The following PCDHGB1 variants were observed in gnomAD, a reference collection of about 807,000 sequenced individuals.
The protein encoded by PCDHGB1 is protocadherin gamma-B1.
A neutral mutation model predicts 56.6 loss-of-function variants in PCDHGB1; 34 were observed. The observed-to-expected ratio is 0.60, with a 90% CI of 0.46 to 0.80. PCDHGB1 has a LOEUF of 0.80. Ranked by LOEUF, PCDHGB1 falls within the 30% of genes least tolerant of loss-of-function variation. The pLI is 0.00. For synonymous variants in PCDHGB1, 561 were observed against 505.9 expected, an observed-to-expected ratio of 1.11 and a Z score of -1.46; for missense variants, 1,278 against 1,204.6, an observed-to-expected ratio of 1.06 and a Z score of -0.90.
chr5:141,494,820 AC>A lies in PCDHGB1; in HGVS notation c.2424del (p.Asn808LysfsTer39). 6.2e-7 allele frequency: 1 copy of A among 1,613,988 alleles called. No homozygotes were observed. The highest frequency in any genetic ancestry group is 2.2e-5 in the East Asian group (1 of 44,874). On this transcript the variant is annotated frameshift_variant, in exon 2 of 4. Coordinates refer to ENST00000523390, the MANE Select transcript of PCDHGB1 (RefSeq NM_018922.3). LOFTEE classifies it high-confidence loss of function. ...TTTTCTCCACAGCAAGCCCCGCCCA[AC>A]ACGGACTGGCGTTTCTCTCAGGCCC... ...PSLSSHQAPP[N>X]TDWRFSQAQR...
chr5:141,418,714 T>C, intron 1 of PCDHGB1: 4 of 1,614,000 alleles, frequency 2.5e-6, no homozygotes, highest in Non-Finnish European at 3.4e-6. Flanking sequence ...TTGGTGTGGC[T>C]GACAAAGCTC....
chr5:141,379,766 C>G (rs1325223169), intron 1 of PCDHGB1: 1 of 151,638 alleles, frequency 6.6e-6, no homozygotes, highest in Admixed American at 6.6e-5. Context: ...ACCTGCAATA[C>G]AGATCATTAA....
chr5:141,417,923 C>T, intron 1 of PCDHGB1: 1 of 1,608,652 alleles, frequency 6.2e-7, no homozygotes, highest in Non-Finnish European at 8.5e-7. Context: ...TCCTTTGCTG[C>T]TGCCTTTGTT....
intron 1 of PCDHGB1, chr5:141,426,732 C>T (rs576525011): frequency 2.7e-4 from 123 of 448,642 alleles, no homozygotes; most frequent in African/African-American, 2.2e-3. Context: ...TCCAGGCATT[C>T]GGTTTGGCCT....
intron 1 of PCDHGB1, chr5:141,357,093 C>T: frequency 1.2e-6 from 2 of 1,613,876 alleles, no homozygotes; most frequent in Non-Finnish European, 8.5e-7. Flanking sequence ...CCGCACGGGC[C>T]CTGCTGGACA....
At chr5:141,470,242 T>C (rs1301513342) in intron 1 of PCDHGB1, among the ~76,000 whole-genome samples, 1 of 152,344 alleles carries the variant, frequency 6.6e-6, no homozygotes, top group South Asian at 2.1e-4. Flanking sequence ...CCCTTGAATG[T>C]CCCACCTGTC....
intron 1 of PCDHGB1, among the ~76,000 whole-genome samples, chr5:141,467,017 C>T (rs1036255706): frequency 4.0e-5 from 6 of 151,156 alleles, no homozygotes; most frequent in African/African-American, 1.5e-4. Context: ...AATTTTTTTC[C>T]CTTTGTTTTT....
intron 1 of PCDHGB1, chr5:141,364,749 T>G: frequency 6.2e-7 from 1 of 1,613,916 alleles, no homozygotes; most frequent in Non-Finnish European, 8.5e-7. Flanking sequence ...GAGTTAAAAG[T>G]AAAAGTTAAT....
rs371964437 is a variant in PCDHGB1, at chr5:141,511,404, C to T, written c.*231C>T. On this transcript the variant is annotated 3_prime_UTR_variant, in exon 4 of 4. Coordinates refer to ENST00000523390, the MANE Select transcript of PCDHGB1 (RefSeq NM_018922.3). ...CCGCTGGGAACCCCCATCCAATCAA[C>T]TGCTGTACCCATGGGGGTAGTGGGG... The T allele has an allele frequency of 7.7e-5, 73 of 947,014 alleles. No individual in the cohort carries two copies. In the East Asian group the frequency reaches 1.8e-3, roughly 23 times the overall value. The allele number at this position is 947,014 out of a possible 1,614,324, so 58.7% of individuals were successfully genotyped here.
intron 1 of PCDHGB1, among the ~76,000 whole-genome samples, chr5:141,481,869 G>A (rs909237712): frequency 4.1e-5 from 6 of 146,780 alleles, no homozygotes; most frequent in East Asian, 2.0e-4. Flanking sequence ...AGCCGAGATC[G>A]CGCCACTGCA....
Position 141,494,803 on chromosome 5 carries a change from A to G in PCDHGB1, c.2410-4A>G. On this transcript the variant is annotated splice_polypyrimidine_tract_variant and splice_region_variant and intron_variant, in intron 1 of 3. Transcript: ENST00000523390. ...CAGCCCCTTTCCCTCTGTTTTCTCC[A>G]CAGCAAGCCCCGCCCAACACGGACT... The G allele has an allele frequency of 6.2e-7, 1 of 1,613,646 alleles. No individual in the cohort carries two copies. Among genetic ancestry groups the G allele is most frequent in the Non-Finnish European group, 8.5e-7 (1 of 1,179,900 alleles).
chr5:141,408,300 T>C lies in PCDHGB1; in HGVS notation c.2409+55631T>C. On this transcript the variant is annotated intron_variant, in intron 1 of 3. Coordinates refer to ENST00000523390, the MANE Select transcript of PCDHGB1 (RefSeq NM_018922.3). ...TTCTACCCCACCCTGAGTGAGCCGATCCGCTACTCGATTCCGGAGGAGCTG... is the reference window on the plus strand; with the variant it reads ...TTCTACCCCACCCTGAGTGAGCCGACCCGCTACTCGATTCCGGAGGAGCTG... The C allele has an allele frequency of 1.2e-6, 2 of 1,613,732 alleles. No homozygotes were observed. The highest frequency in any genetic ancestry group is 1.7e-6 in the Non-Finnish European group (2 of 1,179,694).
At chr5:141,355,831 G>T in intron 1 of PCDHGB1, 1 of 1,612,566 alleles carries the variant, frequency 6.2e-7, no homozygotes, top group Non-Finnish European at 8.5e-7. Context: ...TCACCACCTC[G>T]TTCTCACGGC....
intron 1 of PCDHGB1, chr5:141,405,415 G>GT (rs757320616): frequency 1.9e-6 from 3 of 1,559,568 alleles, no homozygotes; most frequent in South Asian, 2.3e-5. Context: ...TTCTTTTTTT[G>GT]TTTTTTGTTT....
intron 1 of PCDHGB1, chr5:141,374,687 C>G (rs1443411888): frequency 6.2e-7 from 1 of 1,609,446 alleles, no homozygotes; most frequent in African/African-American, 1.3e-5. Context: ...CACACTGGAC[C>G]GGGAAGGAGA....
chr5:141,473,857 G>A (rs981688765), intron 1 of PCDHGB1, among the ~76,000 whole-genome samples: 1 of 152,164 alleles, frequency 6.6e-6, no homozygotes, highest in Non-Finnish European at 1.5e-5. Context: ...GATGAACCTC[G>A]CTATTGTGGA....
chr5:141,511,147 A>T lies in PCDHGB1; in HGVS notation c.2758A>T (p.Lys920Ter). The change falls in exon 4 of 4, where the codon AAG becomes TAG. Residue 920 changes from lysine to a stop codon, truncating the protein, a stop_gained. Coordinates refer to ENST00000523390, the MANE Select transcript of PCDHGB1 (RefSeq NM_018922.3). LOFTEE classifies it high-confidence loss of function. Reference sequence around the variant, plus strand: ...AGCAGGTGGCAATGGCAACAAGAAGAAGTCGGGCAAGAAGGAGAAGAAGTA... The same window carrying T: ...AGCAGGTGGCAATGGCAACAAGAAGTAGTCGGGCAAGAAGGAGAAGAAGTA... The part of the protein sequence containing the change: ...APAGGNGNKK[K>*]SGKKEKK 1 of 1,614,188 alleles carries T rather than the reference A, an allele frequency of 6.2e-7. No homozygotes were observed. Among genetic ancestry groups the T allele is most frequent in the East Asian group, 2.2e-5 (1 of 44,876 alleles).
In PCDHGB1 at chr5:141,352,247, A is replaced by G. The variant is rs2149768122; in HGVS notation, c.1987A>G (p.Ser663Gly). 6.2e-7 allele frequency: 1 copy of G among 1,614,076 alleles called. No homozygotes were observed. Among genetic ancestry groups the G allele is most frequent in the South Asian group, 1.1e-5 (1 of 91,086 alleles). Residue 663 changes from serine (S) to glycine (G), a missense_variant, in exon 1 of 4, where the codon AGC (serine) becomes GGC (glycine). Ser to Gly is a moderately conservative substitution (Grantham distance 56, BLOSUM62 0). Coordinates refer to ENST00000523390, the MANE Select transcript of PCDHGB1 (RefSeq NM_018922.3). ...TATLHLIFAD[S>G]LQEVLPDLSD... ...CACGCTGCACCTAATCTTCGCGGAT[A>G]GCCTGCAAGAGGTATTGCCAGACCT...
intron 1 of PCDHGB1, chr5:141,362,277 C>G (rs1762415118): frequency 6.2e-7 from 1 of 1,614,048 alleles, no homozygotes; most frequent in Non-Finnish European, 8.5e-7. Context: ...TCTCCCTGCG[C>G]CTGCGACTCT....
Sources: gnomAD v4.1 joint callset for allele counts (sites outside exome capture counted in the v4.1 genomes callset) on GRCh38, gnomAD v4.1.1 for gene constraint, MANE v1.5 for transcripts, NCBI Gene and HGNC (gene_info 2026-07-23, HGNC 2026-07-21) for gene names.